The following SSH2 variants were observed in gnomAD, a reference collection of about 807,000 sequenced individuals.
The protein encoded by SSH2 is protein phosphatase Slingshot homolog 2.
SSH2 carries 37 observed loss-of-function variants against 135.2 expected under a neutral mutation model. The observed-to-expected ratio is 0.27, with a 90% CI of 0.21 to 0.36. SSH2 has a LOEUF of 0.36. Among genes scored for constraint, SSH2 ranks in the 10% least tolerant of loss-of-function variants. The pLI, the probability that SSH2 is intolerant of heterozygous loss-of-function variation, is 1.00. For synonymous variants in SSH2, 628 were observed against 646.2 expected (o/e 0.97, Z 0.43); for missense variants, 1,408 against 1,765.3 (o/e 0.80, Z 3.63).
Position 29,636,026 on chromosome 17 carries a change from G to C in SSH2, c.2204C>G (p.Ser735Cys). The C allele has an allele frequency of 6.2e-7, 1 of 1,614,206 alleles. No homozygotes were observed. The highest frequency in any genetic ancestry group is 8.5e-7 in the Non-Finnish European group (1 of 1,180,028). Reference sequence around the variant, plus strand: ...TGATGCATGGGGAGTATTACTCAAAGAGCTGCTTCTCTGGTCATCAGCTGT... The same window carrying C: ...TGATGCATGGGGAGTATTACTCAAACAGCTGCTTCTCTGGTCATCAGCTGT... ...KVTADDQRSS[S>C]LSNTPHASEE... The change falls in exon 15 of 16, where the codon TCT (serine) becomes TGT (cysteine). Residue 735 changes from serine to cysteine, a missense_variant. By Grantham distance (112) the Ser-to-Cys change is moderately radical. Around this residue, in one of 3 missense-constraint regions of SSH2, gnomAD observed 1,080 missense variants for 1,144.5 expected, o/e 0.94. Transcript: ENST00000540801.
chr17:29,667,267 A>G (rs747926984), intron 9 of SSH2, 44 bp from the exon 10 acceptor site: 8 of 1,242,534 alleles, frequency 6.4e-6, no homozygotes, highest in Non-Finnish European at 9.3e-6. Flanking sequence ...GATATTCTTA[A>G]TAACGATTAT....
Position 29,838,241 on chromosome 17 carries a change from C to A in SSH2, c.144+10608G>T, listed in dbSNP as rs1599069849. 2.0e-5 allele frequency among the ~76,000 whole-genome samples: 3 copies of A among 152,356 alleles called. No homozygotes were observed. In the East Asian group the frequency reaches 5.8e-4, roughly 29 times the overall value. Reference sequence around the variant, plus strand: ...CAGCACTGACATGCCAGCCCCCTGGCACCCTGGTCCCCTCCACACACTGGG... The same window carrying A: ...CAGCACTGACATGCCAGCCCCCTGGAACCCTGGTCCCCTCCACACACTGGG... On this transcript the variant is annotated intron_variant, in intron 2 of 15. Transcript: ENST00000540801.
At chr17:29,823,216 CAAAT>C (rs2042684052) in intron 2 of SSH2, among the ~76,000 whole-genome samples, 1 of 151,974 alleles carries the variant, frequency 6.6e-6, no homozygotes, top group Non-Finnish European at 1.5e-5. Context: ...GTAATATATT[CAAAT>C]AAATAATAGT....
intron 1 of SSH2, among the ~76,000 whole-genome samples, chr17:29,905,877 T>C (rs971618988): frequency 6.6e-6 from 1 of 152,126 alleles, no homozygotes; most frequent in Non-Finnish European, 1.5e-5. Context: ...CTGAACTGGA[T>C]GACTAACTGC....
At chr17:29,726,546 C>T (rs2040008415) in intron 3 of SSH2, among the ~76,000 whole-genome samples, 1 of 152,038 alleles carries the variant, frequency 6.6e-6, no homozygotes, top group Admixed American at 6.6e-5. Flanking sequence ...AGGCAAGTAA[C>T]AAGGGTGGTC....
At chr17:29,684,517 G>A in intron 6 of SSH2, 46 bp downstream of exon 6, 1 of 1,484,986 alleles carries the variant, frequency 6.7e-7, no homozygotes, top group African/African-American at 1.4e-5. Context: ...ACTGGAACAG[G>A]TTACTTAAAA....
chr17:29,755,674 T>C (rs958629924), intron 3 of SSH2, among the ~76,000 whole-genome samples: 1 of 150,982 alleles, frequency 6.6e-6, no homozygotes, highest in African/African-American at 2.4e-5. Flanking sequence ...TTTCTTTTTT[T>C]TTTTTGAGAT....
intron 3 of SSH2, among the ~76,000 whole-genome samples, chr17:29,737,988 T>C (rs1404528745): frequency 6.6e-6 from 1 of 152,316 alleles, no homozygotes; most frequent in East Asian, 1.9e-4. Context: ...ACGTGCAGGT[T>C]ACATATGTAT....
intron 3 of SSH2, chr17:29,777,551 G>A (rs1223724069): frequency 6.6e-6 from 1 of 152,098 alleles, no homozygotes; most frequent in East Asian, 1.9e-4. Context: ...AATAAGGATG[G>A]AAAGAGAATC....
chr17:29,853,201 C>T (rs1183927452), intron 1 of SSH2, among the ~76,000 whole-genome samples: 3 of 151,016 alleles, frequency 2.0e-5, no homozygotes, highest in Admixed American at 6.6e-5. Context: ...ATTCTCCTGC[C>T]TCAGCCTCCC....
chr17:29,815,123 ATTTT>A (rs71360722), intron 2 of SSH2, among the ~76,000 whole-genome samples: 4 of 98,028 alleles, frequency 4.1e-5, no homozygotes, highest in Admixed American at 1.2e-4. Context: ...TATTTTTTGT[ATTTT>A]TTTTTTTTTT....
At chr17:29,751,719 ATGT>A (rs1243756537) in intron 3 of SSH2, among the ~76,000 whole-genome samples, 1 of 152,164 alleles carries the variant, frequency 6.6e-6, no homozygotes, top group Non-Finnish European at 1.5e-5. Context: ...ATTGACCAAA[ATGT>A]TGTTATGTGG....
chr17:29,702,330 G>A (rs1370886627), intron 4 of SSH2, among the ~76,000 whole-genome samples: 1 of 145,514 alleles, frequency 6.9e-6, no homozygotes, highest in Non-Finnish European at 1.5e-5. Context: ...TCTAGCCTGG[G>A]TGACAGAGTG....
At chr17:29,753,791 T>C (rs2041026278) in intron 3 of SSH2, among the ~76,000 whole-genome samples, 2 of 77,750 alleles carry the variant, frequency 2.6e-5, no homozygotes, top group African/African-American at 1.0e-4. Flanking sequence ...AGACTCTGTC[T>C]GAAAAAAAAA....
At chr17:29,806,913 A>T (rs998854568) in intron 2 of SSH2, among the ~76,000 whole-genome samples, 2 of 152,152 alleles carry the variant, frequency 1.3e-5, no homozygotes, top group African/African-American at 2.4e-5. Flanking sequence ...TTAGCCTGGC[A>T]TCTGGGTTTA....
At chr17:29,649,035 G>A (rs534996023) in intron 13 of SSH2, among the ~76,000 whole-genome samples, 1 of 152,204 alleles carries the variant, frequency 6.6e-6, no homozygotes, top group East Asian at 1.9e-4. Flanking sequence ...CAGCTACTCA[G>A]GAGGCCGAGG....
At chr17:29,814,130 C>CAAAAAAAAA in intron 2 of SSH2, among the ~76,000 whole-genome samples, 1 of 21,142 alleles carries the variant, frequency 4.7e-5, no homozygotes, top group Non-Finnish European at 8.8e-5. Context: ...GACTTCGTCT[C>CAAAAAAAAA]AAAAAAAAAA....
chr17:29,872,760 G>A, intron 1 of SSH2, among the ~76,000 whole-genome samples: 1 of 152,150 alleles, frequency 6.6e-6, no homozygotes, highest in Non-Finnish European at 1.5e-5. Context: ...ACTTTGGGAG[G>A]CGAGGCAGGT....
At chr17:29,677,992 C>G (rs2037800585) in intron 6 of SSH2, among the ~76,000 whole-genome samples, 1 of 152,132 alleles carries the variant, frequency 6.6e-6, no homozygotes. Context: ...CCTACATTGT[C>G]ATCTTGCAAA....
Sources: gnomAD v4.1 joint callset for allele counts (sites outside exome capture counted in the v4.1 genomes callset) on GRCh38, gnomAD v4.1.1 for gene constraint, gnomAD v4.1.1 regional missense constraint, MANE v1.5 for transcripts, NCBI Gene and HGNC (gene_info 2026-07-23, HGNC 2026-07-21) for gene names.